HTR3B: variants seen among roughly 807,000 people sequenced by gnomAD.
HTR3B encodes the protein 5-hydroxytryptamine receptor 3B, also known as 5-hydroxytryptamine (serotonin) receptor 3B, ionotropic.
Under a neutral mutation model 42.8 loss-of-function variants are expected in HTR3B, and 44 were observed. That is an observed-to-expected ratio of 1.03 (90% CI 0.81 to 1.32). The LOEUF (loss-of-function observed/expected upper bound fraction) is 1.32, where lower values mean the gene tolerates loss of function less well. HTR3B is among the 40% of genes most tolerant of loss of function. The pLI, the probability that HTR3B is intolerant of heterozygous loss-of-function variation, is 0.00. For synonymous variants in HTR3B, 203 were observed against 209.0 expected (o/e 0.97, Z 0.25); for missense variants, 527 against 536.5 (o/e 0.98, Z 0.17).
At chr11:113,913,449 G>T (rs894828253) in intron 2 of HTR3B, among the ~76,000 whole-genome samples, 1 of 142,272 alleles carries the variant, frequency 7.0e-6, no homozygotes, top group African/African-American at 2.6e-5. Flanking sequence ...GACCTCAGGT[G>T]ATCCGCCTGC....
chr11:113,936,677 C>T (rs1294566259), intron 6 of HTR3B, among the ~76,000 whole-genome samples: 1 of 152,204 alleles, frequency 6.6e-6, no homozygotes, highest in African/African-American at 2.4e-5. Context: ...ATCCAAGTAA[C>T]TCTGACTCCG....
At position 113,904,832 on chromosome 11, in the gene HTR3B, A is replaced by G. The variant is rs35312182; in HGVS notation, c.-102A>G. 1 of 698,620 alleles carries G rather than the reference A, an allele frequency of 1.4e-6. No homozygotes were observed. The highest frequency in any genetic ancestry group is 2.4e-6 in the Non-Finnish European group (1 of 414,358). The allele number at this position is 698,620 out of a possible 1,614,324, so 43.3% of individuals were successfully genotyped here. A position where few individuals can be genotyped will look rare whatever the true frequency, so the allele number is the denominator to read the frequency against. On this transcript the variant is annotated 5_prime_UTR_variant, in exon 1 of 9. Coordinates refer to ENST00000260191, the MANE Select transcript of HTR3B (RefSeq NM_006028.5). ...GGATAGCATCAACTGGCAAACGGAG[A>G]AGGAGGAGAACAGAGTGGAGAGGAA...
At chr11:113,924,650 C>CAAG (rs1949951018) in intron 2 of HTR3B, among the ~76,000 whole-genome samples, 2 of 120,518 alleles carry the variant, frequency 1.7e-5, no homozygotes, top group Non-Finnish European at 3.5e-5. Context: ...AAAAAAAAGC[C>CAAG]AAGAAGTGGT....
chr11:113,933,334 A>G (rs1244202591), intron 6 of HTR3B, among the ~76,000 whole-genome samples: 1 of 152,168 alleles, frequency 6.6e-6, no homozygotes, highest in African/African-American at 2.4e-5. Flanking sequence ...CAGACACCAG[A>G]GGCCTGAAGC....
chr11:113,903,282 A>G (rs564594628), upstream of HTR3B, among the ~76,000 whole-genome samples: 2 of 152,236 alleles, frequency 1.3e-5, no homozygotes, highest in South Asian at 2.1e-4. Context: ...TGGCAAGACT[A>G]TACCGGAAGA....
At chr11:113,932,166 A>T in intron 4 of HTR3B, 123 bp from the exon 5 acceptor site, 1 of 780,622 alleles carries the variant, frequency 1.3e-6, no homozygotes, top group Non-Finnish European at 2.1e-6. Context: ...GGAAAATGCG[A>T]TTCTGTTTTG....
chr11:113,937,567 G>A (rs1409161263), intron 6 of HTR3B, among the ~76,000 whole-genome samples: 1 of 152,180 alleles, frequency 6.6e-6, no homozygotes, highest in Non-Finnish European at 1.5e-5. Context: ...ACATCCCTAG[G>A]AGATGAGTGA....
intron 5 of HTR3B, 121 bp from the exon 6 acceptor site, chr11:113,932,815 A>G: frequency 1.0e-6 from 1 of 962,676 alleles, no homozygotes; most frequent in South Asian, 1.6e-5. Flanking sequence ...AAATAAGGCC[A>G]AGGAGACTGT....
chr11:113,902,708 C>G (rs1949704062), upstream of HTR3B, among the ~76,000 whole-genome samples: 1 of 152,234 alleles, frequency 6.6e-6, no homozygotes, highest in African/African-American at 2.4e-5. Flanking sequence ...TGCCACATTA[C>G]TACCATCTAA....
At chr11:113,914,275 C>A (rs1416005526) in intron 2 of HTR3B, among the ~76,000 whole-genome samples, 1 of 151,604 alleles carries the variant, frequency 6.6e-6, no homozygotes, top group Admixed American at 6.6e-5. Flanking sequence ...TGAGACCAGC[C>A]TCAACGTGGA....
chr11:113,905,056 C>T, intron 1 of HTR3B, 71 bp downstream of exon 1: 1 of 1,083,388 alleles, frequency 9.2e-7, no homozygotes. Flanking sequence ...TATTTGTATA[C>T]ACCGTACTGT....
intron 2 of HTR3B, among the ~76,000 whole-genome samples, chr11:113,924,282 G>A (rs1949945896): frequency 6.6e-6 from 1 of 152,008 alleles, no homozygotes. Context: ...TGCTTTAGTG[G>A]GTGAGACATA....
intron 6 of HTR3B, among the ~76,000 whole-genome samples, chr11:113,940,297 T>G (rs1345960981): frequency 6.6e-6 from 1 of 152,118 alleles, no homozygotes; most frequent in Non-Finnish European, 1.5e-5. Context: ...CTCTAGGGAG[T>G]GTTCCCATTT....
At chr11:113,945,871 C>T (rs764888282) in intron 8 of HTR3B, 31 bp from the exon 9 acceptor site, 2 of 1,510,236 alleles carry the variant, frequency 1.3e-6, no homozygotes, top group East Asian at 2.3e-5. Context: ...TAGTCCCTGG[C>T]TCACCCAGGG....
At chr11:113,900,171 T>TGG (rs1949687889), upstream of HTR3B, among the ~76,000 whole-genome samples, 5 of 151,838 alleles carry the variant, frequency 3.3e-5, no homozygotes, top group Non-Finnish European at 7.4e-5. Context: ...GGCAGGAGAA[T>TGG]CACTTGAACT....
chr11:113,899,060 G>A, the HTR3B span, among the ~76,000 whole-genome samples: 1 of 152,126 alleles, frequency 6.6e-6, no homozygotes, highest in Non-Finnish European at 1.5e-5. Flanking sequence ...TCTAGCAAGC[G>A]ATGAAGCTAG....
chr11:113,920,670 G>A (rs958548516), intron 2 of HTR3B, among the ~76,000 whole-genome samples: 1 of 151,636 alleles, frequency 6.6e-6, no homozygotes, highest in African/African-American at 2.4e-5. Context: ...TACTGTGCAT[G>A]GCCATATTTC....
intron 2 of HTR3B, among the ~76,000 whole-genome samples, chr11:113,924,274 C>CT (rs1416166100): frequency 6.6e-6 from 1 of 151,986 alleles, no homozygotes; most frequent in African/African-American, 2.4e-5. Flanking sequence ...ACCTTTTGTG[C>CT]TTTAGTGGGT....
intron 6 of HTR3B, among the ~76,000 whole-genome samples, chr11:113,941,820 A>G (rs574970347): frequency 1.3e-5 from 2 of 152,276 alleles, no homozygotes; most frequent in South Asian, 4.1e-4. Context: ...CTTTCTCTTC[A>G]GGTCTGGTCA....
Sources: gnomAD v4.1 joint callset for allele counts (sites outside exome capture counted in the v4.1 genomes callset) on GRCh38, gnomAD v4.1.1 for gene constraint, MANE v1.5 for transcripts, NCBI Gene and HGNC (gene_info 2026-07-23, HGNC 2026-07-21) for gene names.